The following CCDC138 variants were observed in gnomAD, a reference collection of about 807,000 sequenced individuals.
CCDC138 encodes coiled-coil domain containing 138.
Under a neutral mutation model 82.3 loss-of-function variants are expected in CCDC138, and 66 were observed. The ratio of observed to expected loss-of-function variants is 0.80; its 90% CI spans 0.66 to 0.98. The LOEUF is 0.98. Among genes scored for constraint, CCDC138 ranks in the 50% least tolerant of loss-of-function variants. CCDC138 has a pLI of 0.00. For synonymous variants in CCDC138, 297 were observed against 265.4 expected (o/e 1.12, Z -1.16); for missense variants, 816 against 758.9 (o/e 1.08, Z -0.88).
intron 4 of CCDC138, among the ~76,000 whole-genome samples, chr2:108,794,149 T>C (rs532895165): frequency 2.4e-4 from 37 of 152,322 alleles, no homozygotes; most frequent in African/African-American, 8.7e-4. Context: ...TAGTGGAGAT[T>C]AAACAGCAAA....
chr2:108,813,102 A>G (rs1684168464), intron 9 of CCDC138, among the ~76,000 whole-genome samples, 175 bp downstream of exon 9: 2 of 151,966 alleles, frequency 1.3e-5, no homozygotes, highest in African/African-American at 4.8e-5. Context: ...ACAGAAAATT[A>G]GCCAGGCATG....
downstream of CCDC138, among the ~76,000 whole-genome samples, chr2:108,877,243 G>T (rs139769942): frequency 6.6e-6 from 1 of 152,010 alleles, no homozygotes; most frequent in South Asian, 2.1e-4. Context: ...TGAGGTGGGC[G>T]GATCACCTAA....
chr2:108,880,220 C>A (rs1422508183), downstream of CCDC138, among the ~76,000 whole-genome samples: 6 of 5,186 alleles, frequency 1.2e-3, no homozygotes, highest in African/African-American at 4.3e-3. Context: ...CAAACAAAAA[C>A]AAACAAAAAA....
At chr2:108,827,599 G>A (rs1558685399) in intron 10 of CCDC138, among the ~76,000 whole-genome samples, 1 of 151,414 alleles carries the variant, frequency 6.6e-6, no homozygotes, top group East Asian at 1.9e-4. Flanking sequence ...GGCGGATCAC[G>A]AGGTCAGGAG....
chr2:108,851,000 C>G (rs745497775), intron 12 of CCDC138, among the ~76,000 whole-genome samples: 27 of 152,192 alleles, frequency 1.8e-4, no homozygotes, highest in Non-Finnish European at 2.6e-4. Context: ...TCGTGCCACA[C>G]CAGTTGCAAG....
intron 11 of CCDC138, among the ~76,000 whole-genome samples, chr2:108,846,123 A>G (rs1234591444): frequency 6.6e-6 from 1 of 152,192 alleles, no homozygotes; most frequent in East Asian, 1.9e-4. Context: ...ACACAGAAGG[A>G]TGTGCCTGAT....
intron 7 of CCDC138, 21 bp from the exon 8 acceptor site, chr2:108,812,610 C>A: frequency 1.9e-6 from 3 of 1,583,686 alleles, no homozygotes; most frequent in South Asian, 1.1e-5. Flanking sequence ...ATTGAAATAT[C>A]TAACTTTTTC....
At chr2:108,882,490 A>G (rs926363795) in intron 1 of CCDC138, 5 of 152,206 alleles carry the variant, frequency 3.3e-5, no homozygotes, top group Admixed American at 6.5e-5. Context: ...GGAATTCTCT[A>G]AAAGTGTAAA....
intron 7 of CCDC138, among the ~76,000 whole-genome samples, chr2:108,806,537 T>C (rs1207693245): frequency 6.6e-6 from 1 of 152,212 alleles, no homozygotes; most frequent in South Asian, 2.1e-4. Context: ...AAGGACTAGA[T>C]AGTAAGTACT....
chr2:108,874,831 C>A (rs1448113351), intron 14 of CCDC138, among the ~76,000 whole-genome samples: 3 of 152,208 alleles, frequency 2.0e-5, no homozygotes, highest in African/African-American at 7.2e-5. Flanking sequence ...CAGTAAATTC[C>A]TAGTAAGGCC....
Position 108,792,538 on chromosome 2 carries a change from G to A in CCDC138, c.394+736G>A, listed in dbSNP as rs147859683. 2.9e-3 allele frequency among the ~76,000 whole-genome samples: 443 copies of A among 152,266 alleles called. 5 individuals are homozygous for A. Among genetic ancestry groups the A allele is most frequent in the African/African-American group, 0.01 (426 of 41,550 alleles). The stretch of plus-strand genomic sequence containing the variant: ...AAGTAGACAAAATTAAGAAATGCTC[G>A]GGCCAGGGATTGGTGAGTCGGGAAC... On this transcript the variant is annotated intron_variant, in intron 4 of 14. Coordinates refer to ENST00000295124, the MANE Select transcript of CCDC138 (RefSeq NM_144978.3).
At chr2:108,866,580 G>C (rs1196263769) in intron 13 of CCDC138, among the ~76,000 whole-genome samples, 1 of 152,082 alleles carries the variant, frequency 6.6e-6, no homozygotes, top group Non-Finnish European at 1.5e-5. Context: ...CTCAAGTATT[G>C]ACACATTGAA....
intron 11 of CCDC138, among the ~76,000 whole-genome samples, chr2:108,844,896 C>T (rs911296046): frequency 3.3e-5 from 5 of 151,918 alleles, no homozygotes; most frequent in Admixed American, 2.0e-4. Flanking sequence ...TACAGGTGCA[C>T]GCCACCAAGC....
intron 2 of CCDC138, among the ~76,000 whole-genome samples, chr2:108,788,293 G>A (rs1487306723): frequency 6.6e-6 from 1 of 151,310 alleles, no homozygotes; most frequent in East Asian, 2.0e-4. Context: ...GGTGGCGGGC[G>A]CCTGTAATCC....
At chr2:108,865,634 C>T (rs1009875172) in intron 13 of CCDC138, among the ~76,000 whole-genome samples, 8 of 152,160 alleles carry the variant, frequency 5.3e-5, no homozygotes, top group African/African-American at 1.9e-4. Flanking sequence ...TCTTAATAGT[C>T]CCTAGGCATC....
chr2:108,836,268 T>G (rs1005736872), intron 10 of CCDC138, among the ~76,000 whole-genome samples: 1 of 152,256 alleles, frequency 6.6e-6, no homozygotes, highest in Admixed American at 6.5e-5. Flanking sequence ...ATTTGCCTTT[T>G]TGTGACTGGC....
At chr2:108,855,763 C>T (rs1252569744) in intron 12 of CCDC138, among the ~76,000 whole-genome samples, 1 of 152,172 alleles carries the variant, frequency 6.6e-6, no homozygotes, top group African/African-American at 2.4e-5. Flanking sequence ...TCTTAATAAC[C>T]AGGGTTTTAA....
chr2:108,862,077 G>GTTTTT (rs71383810), intron 13 of CCDC138, among the ~76,000 whole-genome samples: 1 of 141,376 alleles, frequency 7.1e-6, no homozygotes, highest in Non-Finnish European at 1.5e-5. Context: ...TATGATTTCA[G>GTTTTT]TTTTTTTTTT....
intron 11 of CCDC138, among the ~76,000 whole-genome samples, chr2:108,839,679 C>G (rs953783014): frequency 6.6e-6 from 1 of 152,022 alleles, no homozygotes; most frequent in Non-Finnish European, 1.5e-5. Flanking sequence ...TTTACATGTT[C>G]ATTGATAATA....
Sources: gnomAD v4.1 joint callset for allele counts (sites outside exome capture counted in the v4.1 genomes callset) on GRCh38, gnomAD v4.1.1 for gene constraint, MANE v1.5 for transcripts, NCBI Gene and HGNC (gene_info 2026-07-23, HGNC 2026-07-21) for gene names.